STAU2: variants seen among roughly 807,000 people sequenced by gnomAD.
The protein encoded by STAU2 is double-stranded RNA-binding protein Staufen homolog 2.
A neutral mutation model predicts 65.9 loss-of-function variants in STAU2; 20 were observed. That is an observed-to-expected ratio of 0.30 (90% CI 0.21 to 0.44). The LOEUF (loss-of-function observed/expected upper bound fraction) is 0.44, where lower values mean the gene tolerates loss of function less well. Among genes scored for constraint, STAU2 ranks in the 20% least tolerant of loss-of-function variants. The pLI is 1.00. For synonymous variants in STAU2, 232 were observed against 233.9 expected, an observed-to-expected ratio of 0.99 and a Z score of 0.07; for missense variants, 558 against 683.9, an observed-to-expected ratio of 0.82 and a Z score of 2.05.
chr8:73,423,939 T>A (rs1405526951), intron 13 of STAU2, among the ~76,000 whole-genome samples: 1 of 152,214 alleles, frequency 6.6e-6, no homozygotes, highest in Non-Finnish European at 1.5e-5. Flanking sequence ...GGGTTCACTC[T>A]GTGTGGTACA....
chr8:73,624,255 C>T (rs1209801417), intron 6 of STAU2, among the ~76,000 whole-genome samples: 2 of 152,016 alleles, frequency 1.3e-5, no homozygotes, highest in African/African-American at 2.4e-5. Flanking sequence ...ATACAGAACA[C>T]AAATCAAGAG....
intron 13 of STAU2, chr8:73,550,147 C>T: frequency 1.0e-6 from 1 of 985,216 alleles, no homozygotes; most frequent in Non-Finnish European, 1.2e-6. Context: ...CAAAGAAGCA[C>T]AGTAATATTT....
chr8:73,672,912 A>AC, intron 6 of STAU2, 195 bp downstream of exon 6: 1 of 443,404 alleles, frequency 2.3e-6, no homozygotes, highest in Non-Finnish European at 3.6e-6. Context: ...AAAAAAAAAA[A>AC]AAACTAGTTC....
chr8:73,561,115 G>A (rs551269047), intron 12 of STAU2, among the ~76,000 whole-genome samples: 92 of 152,208 alleles, frequency 6.0e-4, no homozygotes, highest in Admixed American at 1.9e-3. Context: ...TGGCACAGGG[G>A]TTATTAATAG....
chr8:73,564,559 C>G (rs1808461626), intron 12 of STAU2, among the ~76,000 whole-genome samples: 1 of 151,930 alleles, frequency 6.6e-6, no homozygotes, highest in Non-Finnish European at 1.5e-5. Flanking sequence ...CTAACAGGTA[C>G]TAGGCTTCAT....
At chr8:73,694,841 C>T (rs1232753688) in intron 4 of STAU2, among the ~76,000 whole-genome samples, 3 of 152,210 alleles carry the variant, frequency 2.0e-5, no homozygotes, top group Admixed American at 6.5e-5. Flanking sequence ...AAACTCAGTG[C>T]TGCCCTGTCA....
intron 6 of STAU2, among the ~76,000 whole-genome samples, chr8:73,666,289 A>T (rs7001500): frequency 0.33 from 49,546 of 152,130 alleles, 9,479 homozygotes; most frequent in African/African-American, 0.52. Context: ...AAATGTAATA[A>T]ACAAGCTGTT....
At chr8:73,504,030 A>G (rs1821907179) in intron 13 of STAU2, among the ~76,000 whole-genome samples, 1 of 152,144 alleles carries the variant, frequency 6.6e-6, no homozygotes, top group Admixed American at 6.6e-5. Flanking sequence ...TATTAAAATG[A>G]AAGTGGACCA....
Position 73,446,629 on chromosome 8 carries a change from TTTTAA to T in STAU2, c.1531-23932_1531-23928del, listed in dbSNP as rs545315375. On this transcript the variant is annotated intron_variant, in intron 13 of 14. Transcript: ENST00000524300. ...CTTTTGGAAAAACAGTATTTTACAT[TTTTAA>T]TTTAATTTAATTTAATTTTTTTTAA... Among the ~76,000 whole-genome samples, 86 of 152,280 alleles carry T rather than the reference TTTTAA, an allele frequency of 5.6e-4. 1 individual carries two copies. Among genetic ancestry groups the T allele is most frequent in the Admixed American group, 1.5e-3 (23 of 15,300 alleles).
At chr8:73,736,472 C>T (rs1426226889) in intron 3 of STAU2, among the ~76,000 whole-genome samples, 2 of 152,146 alleles carry the variant, frequency 1.3e-5, no homozygotes, top group Non-Finnish European at 2.9e-5. Context: ...CTACAAATGT[C>T]ATGTTATTAA....
chr8:73,505,032 C>A (rs1821984200), intron 13 of STAU2, among the ~76,000 whole-genome samples: 1 of 152,042 alleles, frequency 6.6e-6, no homozygotes, highest in African/African-American at 2.4e-5. Context: ...GGGACCAAAT[C>A]TATATCTTTA....
chr8:73,460,618 G>C (rs541747065), intron 13 of STAU2, among the ~76,000 whole-genome samples: 251 of 152,274 alleles, frequency 1.6e-3, no homozygotes, highest in Middle Eastern at 3.4e-3. Flanking sequence ...AGTACTCTTA[G>C]ATCCATGGTC....
At chr8:73,431,743 C>T (rs560447543) in intron 13 of STAU2, among the ~76,000 whole-genome samples, 13 of 152,222 alleles carry the variant, frequency 8.5e-5, no homozygotes, top group Admixed American at 2.0e-4. Flanking sequence ...CCTTGGTTTG[C>T]GCACGCACGC....
At chr8:73,675,883 G>T (rs551756480) in intron 5 of STAU2, among the ~76,000 whole-genome samples, 1 of 152,220 alleles carries the variant, frequency 6.6e-6, no homozygotes, top group African/African-American at 2.4e-5. Flanking sequence ...TTAACTTCCC[G>T]ATAGAACGGT....
At chr8:73,645,288 G>T (rs981018008) in intron 6 of STAU2, among the ~76,000 whole-genome samples, 2 of 152,124 alleles carry the variant, frequency 1.3e-5, no homozygotes, top group Non-Finnish European at 2.9e-5. Context: ...CTGGTTCAAT[G>T]TTTAAAATTC....
intron 6 of STAU2, among the ~76,000 whole-genome samples, chr8:73,636,816 T>C (rs888342230): frequency 6.8e-5 from 10 of 146,768 alleles, no homozygotes; most frequent in Admixed American, 2.8e-4. Flanking sequence ...TGAGCCAAGA[T>C]CACACCACCG....
intron 10 of STAU2, among the ~76,000 whole-genome samples, chr8:73,595,767 T>C (rs931843342): frequency 6.6e-6 from 1 of 152,140 alleles, no homozygotes; most frequent in Non-Finnish European, 1.5e-5. Context: ...AGATTTATAT[T>C]AAATAGTTCC....
chr8:73,450,845 T>C (rs1351101320), intron 13 of STAU2, among the ~76,000 whole-genome samples: 1 of 152,206 alleles, frequency 6.6e-6, no homozygotes, highest in African/African-American at 2.4e-5. Flanking sequence ...ATGCTTCTAT[T>C]GTTATGTATC....
intron 12 of STAU2, among the ~76,000 whole-genome samples, chr8:73,554,335 C>T (rs1288002812): frequency 2.6e-5 from 4 of 152,234 alleles, no homozygotes; most frequent in South Asian, 2.1e-4. Context: ...ACCACCACCA[C>T]CAGCCACCTC....
Sources: gnomAD v4.1 joint callset for allele counts (sites outside exome capture counted in the v4.1 genomes callset) on GRCh38, gnomAD v4.1.1 for gene constraint, MANE v1.5 for transcripts, NCBI Gene and HGNC (gene_info 2026-07-23, HGNC 2026-07-21) for gene names.